Variants in LCA5L observed in about 807,000 individuals in gnomAD.
LCA5L encodes lebercilin-like protein.
In LCA5L, 35 loss-of-function variants were observed where a neutral mutation model predicts 45.4. The ratio of observed to expected loss-of-function variants is 0.77; its 90% confidence interval spans 0.59 to 1.02. The LOEUF (loss-of-function observed/expected upper bound fraction) is 1.02. Among genes scored for constraint, LCA5L ranks in the 50% least tolerant of loss-of-function variants. The pLI, the probability that LCA5L is intolerant of heterozygous loss-of-function variation, is 0.00. For synonymous variants in LCA5L, 233 were observed against 264.7 expected (o/e 0.88, Z 1.16); for missense variants, 668 against 761.6 (o/e 0.88, Z 1.45).
intron 5 of LCA5L, among the ~76,000 whole-genome samples, chr21:39,426,878 G>A (rs932018993): frequency 6.6e-6 from 1 of 152,220 alleles, no homozygotes; most frequent in Non-Finnish European, 1.5e-5. Context: ...CTCTAGAAAA[G>A]TAACATTTAA....
intron 7 of LCA5L, 96 bp from the exon 8 acceptor site, chr21:39,411,898 G>C: frequency 1.5e-6 from 1 of 649,746 alleles, no homozygotes; most frequent in Non-Finnish European, 2.7e-6. Flanking sequence ...AGTATCCTAT[G>C]AATAAAATCT....
intron 7 of LCA5L, among the ~76,000 whole-genome samples, chr21:39,413,200 G>A (rs1310760039): frequency 1.3e-5 from 2 of 152,238 alleles, no homozygotes; most frequent in Admixed American, 1.3e-4. Context: ...AGAGGGGCCA[G>A]AGGGCAGAAC....
chr21:39,411,585 C>T (rs2040094613), intron 8 of LCA5L, 133 bp downstream of exon 8: 2 of 487,232 alleles, frequency 4.1e-6, no homozygotes, highest in South Asian at 4.3e-5. Context: ...CGTTATTCTT[C>T]TAGAATCACA....
intron 5 of LCA5L, chr21:39,425,813 G>A (rs886525771): frequency 6.6e-6 from 1 of 152,394 alleles, no homozygotes; most frequent in African/African-American, 2.4e-5. Flanking sequence ...TGAGAAGGAT[G>A]CGTGATGGGA....
intron 5 of LCA5L, 52 bp from the exon 6 acceptor site, chr21:39,423,542 A>T: frequency 1.4e-6 from 2 of 1,426,046 alleles, no homozygotes; most frequent in Non-Finnish European, 1.9e-6. Context: ...CAGATATGCA[A>T]ATATGCACAT....
At chr21:39,422,809 C>T (rs2073988843) in intron 6 of LCA5L, 167 bp downstream of exon 6, 3 of 649,538 alleles carry the variant, frequency 4.6e-6, no homozygotes, top group African/African-American at 1.8e-5. Flanking sequence ...TCCTTCAAAC[C>T]ACTCCCTTTC....
chr21:39,442,267 G>GTGGC (rs1396701156), intron 2 of LCA5L, among the ~76,000 whole-genome samples: 1 of 152,188 alleles, frequency 6.6e-6, no homozygotes, highest in East Asian at 1.9e-4. Flanking sequence ...GGAGGCCCAT[G>GTGGC]TGGCTGAAGC....
chr21:39,413,482 A>G (rs1007553676), intron 7 of LCA5L, among the ~76,000 whole-genome samples: 3 of 152,232 alleles, frequency 2.0e-5, no homozygotes, highest in Non-Finnish European at 4.4e-5. Flanking sequence ...AGAACATGAC[A>G]TATTTTTGTA....
intron 6 of LCA5L, 170 bp downstream of exon 6, chr21:39,422,806 A>G: frequency 1.5e-6 from 1 of 648,602 alleles, no homozygotes; most frequent in Middle Eastern, 4.3e-4. Context: ...TTTTCCTTCA[A>G]ACCACTCCCT....
intron 7 of LCA5L, among the ~76,000 whole-genome samples, chr21:39,416,246 G>A (rs577006252): frequency 6.6e-6 from 1 of 152,316 alleles, no homozygotes; most frequent in East Asian, 1.9e-4. Flanking sequence ...TCCTCCACAA[G>A]TGACTCATCG....
At chr21:39,440,309 T>G (rs1225066357) in intron 2 of LCA5L, among the ~76,000 whole-genome samples, 1 of 152,090 alleles carries the variant, frequency 6.6e-6, no homozygotes, top group South Asian at 2.1e-4. Flanking sequence ...TTTAAGAAGC[T>G]CCCACTAGTC....
chr21:39,422,875 T>C, intron 6 of LCA5L, 101 bp downstream of exon 6: 1 of 1,055,428 alleles, frequency 9.5e-7, no homozygotes, highest in Non-Finnish European at 1.4e-6. Flanking sequence ...GTGAAGCAGT[T>C]AGTAATGCTT....
chr21:39,432,743 T>C (rs1364413978), intron 3 of LCA5L, among the ~76,000 whole-genome samples: 1 of 152,238 alleles, frequency 6.6e-6, no homozygotes, highest in Non-Finnish European at 1.5e-5. Context: ...TTATAGAGTT[T>C]TATATAAATG....
intron 7 of LCA5L, among the ~76,000 whole-genome samples, chr21:39,415,165 A>C (rs1337942822): frequency 3.3e-5 from 5 of 152,158 alleles, no homozygotes; most frequent in Non-Finnish European, 5.9e-5. Flanking sequence ...ACTTCCCAAA[A>C]AATGATGTAA....
At chr21:39,442,704 G>C (rs890236348) in intron 2 of LCA5L, among the ~76,000 whole-genome samples, 2 of 152,102 alleles carry the variant, frequency 1.3e-5, no homozygotes, top group African/African-American at 4.8e-5. Flanking sequence ...CTGGGGTTGG[G>C]AAGTGGGGTT....
intron 5 of LCA5L, 184 bp downstream of exon 5, chr21:39,427,988 G>A (rs1170037045): frequency 2.0e-6 from 1 of 498,292 alleles, no homozygotes; most frequent in Non-Finnish European, 3.6e-6. Flanking sequence ...AAGCCTTTCT[G>A]TTATTTTATA....
At position 39,409,385 on chromosome 21, in the gene LCA5L, C is replaced by G. The variant is rs1157991582; in HGVS notation, c.1282+594G>C. On this transcript the variant is annotated intron_variant, in intron 10 of 10. Coordinates refer to ENST00000288350, the MANE Select transcript of LCA5L (RefSeq NM_152505.4). The surrounding 1 kb of genome is among the most constrained non-coding windows in gnomAD (Gnocchi z 4.2). Reference sequence around the variant, plus strand: ...TGGCAGCCCAAGCAGACGAATGTAGCTACATATAAAGACAGGGAGCTGTGA... The same window carrying G: ...TGGCAGCCCAAGCAGACGAATGTAGGTACATATAAAGACAGGGAGCTGTGA... 6.6e-6 allele frequency among the ~76,000 whole-genome samples: 1 copy of G among 151,978 alleles called. No homozygotes were observed. The highest frequency in any genetic ancestry group is 1.5e-5 in the Non-Finnish European group (1 of 68,016).
intron 7 of LCA5L, among the ~76,000 whole-genome samples, chr21:39,412,173 C>T (rs958767843): frequency 9.2e-5 from 14 of 152,202 alleles, no homozygotes; most frequent in African/African-American, 2.2e-4. Flanking sequence ...AAATTTAGGT[C>T]GTCAGCCACA....
chr21:39,418,737 T>C (rs1476376779), intron 7 of LCA5L, among the ~76,000 whole-genome samples: 1 of 152,130 alleles, frequency 6.6e-6, no homozygotes, highest in Non-Finnish European at 1.5e-5. Flanking sequence ...CAACCTCAGG[T>C]GATCTGCCCG....
Sources: allele counts gnomAD v4.1 joint callset (sites outside exome capture counted in the v4.1 genomes callset), GRCh38; gene constraint gnomAD v4.1.1; non-coding constraint Gnocchi (gnomAD v3.1); transcripts MANE v1.5; gene names NCBI Gene and HGNC (gene_info 2026-07-23, HGNC 2026-07-21).